The following RAB11FIP3 variants were observed in gnomAD, a reference collection of about 807,000 sequenced individuals.
RAB11FIP3 encodes rab11 family-interacting protein 3.
RAB11FIP3 carries 17 observed loss-of-function variants against 77.8 expected under a neutral mutation model. The observed-to-expected ratio is 0.22, with a 90% CI of 0.15 to 0.33. RAB11FIP3 has a LOEUF of 0.33. RAB11FIP3 is among the 10% of genes least tolerant of loss of function. The probability of loss-of-function intolerance (pLI) is 1.00; values close to 1 mark genes in which losing one functional copy is unlikely to be tolerated. For synonymous variants in RAB11FIP3, 437 were observed against 448.2 expected, an observed-to-expected ratio of 0.98 and a Z score of 0.31; for missense variants, 1,005 against 1,011.2, an observed-to-expected ratio of 0.99 and a Z score of 0.08.
Position 461,626 on chromosome 16 carries a change from A to C in RAB11FIP3, c.808+129A>C. 1 of 671,014 alleles carries C rather than the reference A, an allele frequency of 1.5e-6. No homozygotes were observed. Among genetic ancestry groups the C allele is most frequent in the South Asian group, 2.0e-5 (1 of 49,356 alleles). 41.6% of individuals were successfully genotyped at this position (671,014 alleles called of 1,614,324 possible). A position where few individuals can be genotyped will look rare whatever the true frequency, so the allele number is the denominator to read the frequency against. On this transcript the variant is annotated intron_variant, in intron 2 of 13. Transcript: ENST00000262305. This position sits in a 1 kb window ranked among gnomAD's most constrained non-coding sequence, Gnocchi z 4.5. ...TCCTTCTCCTTGAAGCCCCCAACAT[A>C]CCCCAGGTTTCCAGGTGGTCTCTTT...
Position 426,443 on chromosome 16 carries a change from A to T in RAB11FIP3, c.437A>T (p.Gln146Leu). The T allele has an allele frequency of 6.3e-7, 1 of 1,585,266 alleles. No homozygotes were observed. The highest frequency in any genetic ancestry group is 8.6e-7 in the Non-Finnish European group (1 of 1,167,188). ...CCGGAGAGCGCGCCTTTCCGCTTGCAGGGGTCCAGCAGCAGCCACCGAGCG... is the reference window on the plus strand; with the variant it reads ...CCGGAGAGCGCGCCTTTCCGCTTGCTGGGGTCCAGCAGCAGCCACCGAGCG... The part of the protein sequence containing the change: ...SCPESAPFRL[Q>L]GSSSSHRARG... Residue 146 changes from glutamine to leucine, a missense_variant, in exon 1 of 14, where the codon CAG becomes CTG. Coordinates refer to ENST00000262305, the MANE Select transcript of RAB11FIP3 (RefSeq NM_014700.4). The surrounding 1 kb of genome is among the most constrained non-coding windows in gnomAD (Gnocchi z 5.0).
Position 507,602 on chromosome 16 carries a change from A to C in RAB11FIP3, c.1499+1975A>C, listed in dbSNP as rs966750855. Among the ~76,000 whole-genome samples, 2 of 152,160 alleles carry C rather than the reference A, an allele frequency of 1.3e-5. No homozygotes were observed. The highest frequency in any genetic ancestry group is 4.8e-5 in the African/African-American group (2 of 41,442). On this transcript the variant is annotated intron_variant, in intron 8 of 13. Coordinates refer to ENST00000262305, the MANE Select transcript of RAB11FIP3 (RefSeq NM_014700.4). The surrounding 1 kb of genome is among the most constrained non-coding windows in gnomAD (Gnocchi z 4.6). Reference sequence around the variant, plus strand: ...TTTCATTTGAGTCTGGAGTATGTTCATCTGTTTTCCGTGTGTGTGGTGTGA... The same window carrying C: ...TTTCATTTGAGTCTGGAGTATGTTCCTCTGTTTTCCGTGTGTGTGGTGTGA...
At chr16:489,476 T>C (rs2029975689) in intron 5 of RAB11FIP3, among the ~76,000 whole-genome samples, 1 of 152,304 alleles carries the variant, frequency 6.6e-6, no homozygotes, top group South Asian at 2.1e-4. Flanking sequence ...AGAGTCACTC[T>C]AGGGAGTCCA....
intron 2 of RAB11FIP3, among the ~76,000 whole-genome samples, chr16:462,424 G>A (rs953411758): frequency 1.3e-5 from 2 of 152,050 alleles, no homozygotes; most frequent in African/African-American, 2.4e-5. Context: ...TAGTAGAGAC[G>A]GGGTTTCACC....
intron 1 of RAB11FIP3, among the ~76,000 whole-genome samples, chr16:455,837 C>T (rs968153518): frequency 1.3e-5 from 2 of 152,146 alleles, no homozygotes; most frequent in Non-Finnish European, 2.9e-5. Context: ...GTGATCCATC[C>T]GCCTTGGCAT....
chr16:429,975 G>T (rs113208520), intron 1 of RAB11FIP3, among the ~76,000 whole-genome samples: 1 of 152,082 alleles, frequency 6.6e-6, no homozygotes, highest in African/African-American at 2.4e-5. Flanking sequence ...CAATGTCATG[G>T]TGTGTTTGGA....
At position 521,071 on chromosome 16, in the gene RAB11FIP3, G is replaced by C. The variant is rs2032665049; in HGVS notation, c.*232G>C. The C allele has an allele frequency of 1.7e-6, 1 of 582,682 alleles. No homozygotes were observed. 36.1% of individuals were successfully genotyped at this position (582,682 alleles called of 1,614,324 possible). A position where few individuals can be genotyped will look rare whatever the true frequency, so the allele number is the denominator to read the frequency against. ...GTCCCAGGGCCCGGGGTCCACAGAG[G>C]ATGAGGGTTGTGGCAGGGCCGTCCA... On this transcript the variant is annotated 3_prime_UTR_variant, in exon 14 of 14. Coordinates refer to ENST00000262305, the MANE Select transcript of RAB11FIP3 (RefSeq NM_014700.4).
chr16:448,592 C>T (rs1411362660), intron 1 of RAB11FIP3, among the ~76,000 whole-genome samples: 4 of 151,784 alleles, frequency 2.6e-5, no homozygotes, highest in African/African-American at 2.4e-5. Context: ...AAATATTAGC[C>T]GGGCATGGTG....
At position 505,525 on chromosome 16, in the gene RAB11FIP3, T is replaced by C; in HGVS notation, c.1397T>C (p.Val466Ala). 1 of 1,607,774 alleles carries C rather than the reference T, an allele frequency of 6.2e-7. No individual in the cohort carries two copies. Among genetic ancestry groups the C allele is most frequent in the Non-Finnish European group, 8.5e-7 (1 of 1,178,826 alleles). The change falls in exon 8 of 14, where the codon GTT becomes GCT. Residue 466 changes from valine to alanine, a missense_variant and splice_region_variant. Val to Ala is a moderately conservative substitution (Grantham distance 64). Coordinates refer to ENST00000262305, the MANE Select transcript of RAB11FIP3 (RefSeq NM_014700.4). This position sits in a 1 kb window ranked among gnomAD's most constrained non-coding sequence, Gnocchi z 4.0. ...CTGAAGCCTGGTCTCATTGCCAAGGTTGTCTTCCTGGAAAGGCGTGTGCTG... is the reference window on the plus strand; with the variant it reads ...CTGAAGCCTGGTCTCATTGCCAAGGCTGTCTTCCTGGAAAGGCGTGTGCTG... The part of the protein sequence containing the change: ...EGPEEDIADK[V>A]VFLERRVLEL...
intron 1 of RAB11FIP3, among the ~76,000 whole-genome samples, chr16:439,942 CA>C (rs1401754549): frequency 6.6e-6 from 1 of 151,608 alleles, no homozygotes; most frequent in Non-Finnish European, 1.5e-5. Flanking sequence ...CTCCTGGTTT[CA>C]AGCAATTCTC....
At chr16:492,047 A>C (rs60909820) in intron 5 of RAB11FIP3, among the ~76,000 whole-genome samples, 27,749 of 152,120 alleles carry the variant, frequency 0.18, 2,761 homozygotes, top group East Asian at 0.46. Flanking sequence ...GCATGTTTAG[A>C]GGTATCTGTG....
intron 1 of RAB11FIP3, among the ~76,000 whole-genome samples, chr16:432,795 G>A (rs1293413325): frequency 1.6e-4 from 24 of 151,416 alleles, no homozygotes; most frequent in Non-Finnish European, 1.8e-4. Context: ...TAATAGAGAT[G>A]GGGTTTTGTC....
rs1398787019 is a variant in RAB11FIP3 at position 507,718 on chromosome 16, AC to A, written c.1499+2093del. Among the ~76,000 whole-genome samples, 1 of 152,136 alleles carries A rather than the reference AC, an allele frequency of 6.6e-6. No homozygotes were observed. Among genetic ancestry groups the A allele is most frequent in the African/African-American group, 2.4e-5 (1 of 41,410 alleles). On this transcript the variant is annotated intron_variant, in intron 8 of 13. Transcript: ENST00000262305. This position sits in a 1 kb window ranked among gnomAD's most constrained non-coding sequence, Gnocchi z 4.6. ...CCTGTGGCTGTTCCCTGTGGTGCTC[AC>A]CTCCAACGTCCTAAACAACACGTTT... is the stretch of plus-strand genomic sequence containing the variant.
rs2031862086 is a variant in RAB11FIP3, at chr16:506,117, A to AGTGCTGGGGAGGAAGCGAAGT, written c.1499+494_1499+514dup. ...GCGCAGTCTCATCGCTGTGGGCAGG[A>AGTGCTGGGGAGGAAGCGAAGT]GTGCTGGGGAGGAAGCGAAGTGTGA... On this transcript the variant is annotated intron_variant, in intron 8 of 13. Coordinates refer to ENST00000262305, the MANE Select transcript of RAB11FIP3 (RefSeq NM_014700.4). This position sits in a 1 kb window ranked among gnomAD's most constrained non-coding sequence, Gnocchi z 4.5. Among the ~76,000 whole-genome samples the AGTGCTGGGGAGGAAGCGAAGT allele has an allele frequency of 6.6e-6, 1 of 152,156 alleles. No homozygotes were observed. The highest frequency in any genetic ancestry group is 1.5e-5 in the Non-Finnish European group (1 of 68,022).
intron 6 of RAB11FIP3, among the ~76,000 whole-genome samples, chr16:500,810 C>T (rs1437170824): frequency 6.6e-6 from 1 of 151,946 alleles, no homozygotes; most frequent in East Asian, 1.9e-4. Context: ...ACGCTGGGTG[C>T]CTGGGGATGG....
intron 1 of RAB11FIP3, among the ~76,000 whole-genome samples, chr16:456,390 A>G (rs1487054287): frequency 1.3e-5 from 2 of 151,112 alleles, no homozygotes; most frequent in East Asian, 3.9e-4. Flanking sequence ...CAGTGAGTTG[A>G]GATTGTGCCA....
chr16:510,530 T>C (rs2032092176), intron 8 of RAB11FIP3, 130 bp from the exon 9 acceptor site: 1 of 1,061,656 alleles, frequency 9.4e-7, no homozygotes, highest in African/African-American at 1.6e-5. Context: ...AGCTCGGGGA[T>C]GCCCTTCTCG....
intron 1 of RAB11FIP3, among the ~76,000 whole-genome samples, chr16:448,294 G>T (rs915423312): frequency 8.6e-5 from 13 of 150,626 alleles, no homozygotes; most frequent in Admixed American, 6.7e-4. Flanking sequence ...TCTAGCCTGG[G>T]CAATGAGGGA....
intron 5 of RAB11FIP3, among the ~76,000 whole-genome samples, chr16:494,117 C>T (rs1436049764): frequency 8.7e-5 from 9 of 102,878 alleles, no homozygotes; most frequent in East Asian, 5.1e-4. Context: ...TCTCAATCTC[C>T]GGACCTCGTG....
Sources: gnomAD v4.1 joint callset for allele counts (sites outside exome capture counted in the v4.1 genomes callset) on GRCh38, gnomAD v4.1.1 for gene constraint, Gnocchi (gnomAD v3.1) non-coding constraint, MANE v1.5 for transcripts, NCBI Gene and HGNC (gene_info 2026-07-23, HGNC 2026-07-21) for gene names.